MAX: variants seen among roughly 807,000 people sequenced by gnomAD.
MAX encodes protein max.
MAX carries 3 observed loss-of-function variants against 22.3 expected under a neutral mutation model. The observed-to-expected ratio is 0.13, with a 90% confidence interval of 0.06 to 0.35. The LOEUF (loss-of-function observed/expected upper bound fraction) is 0.35, where lower values mean the gene tolerates loss of function less well. Ranked by LOEUF, MAX falls within the 10% of genes least tolerant of loss-of-function variation. The pLI is 1.00. For synonymous variants in MAX, 72 were observed against 77.7 expected, an observed-to-expected ratio of 0.93 and a Z score of 0.39; for missense variants, 119 against 209.4, an observed-to-expected ratio of 0.57 and a Z score of 2.66.
At position 65,027,585 on chromosome 14, in the gene MAX, T is replaced by C. The variant is rs1415931880; in HGVS notation, c.172-21301A>G. On this transcript the variant is annotated intron_variant, in intron 3 of 3. Transcript: ENST00000341653. The surrounding 1 kb of genome is among the most constrained non-coding windows in gnomAD (Gnocchi z 5.7). ...GCATCATTGGCACCGAGGAGGCCTA[T>C]GACATCATTAACAGGTACAGTGAAA... 3 of 1,614,214 alleles carry C rather than the reference T, an allele frequency of 1.9e-6. No individual in the cohort carries two copies. The highest frequency in any genetic ancestry group is 2.5e-6 in the Non-Finnish European group (3 of 1,180,028).
Position 65,082,823 on chromosome 14 carries a change from A to T in MAX, c.172-4787T>A, listed in dbSNP as rs1187496393. Among the ~76,000 whole-genome samples the T allele has an allele frequency of 6.6e-6, 1 of 152,158 alleles. No homozygotes were observed. The highest frequency in any genetic ancestry group is 2.4e-5 in the African/African-American group (1 of 41,420). On this transcript the variant is annotated intron_variant, in intron 3 of 4. Transcript: ENST00000358664. This position sits in a 1 kb window ranked among gnomAD's most constrained non-coding sequence, Gnocchi z 4.8. ...AATAGCAGGATAGCAGCATTGAAGGAAGGTTATTTTTCTTTCTATTTTAAA... is the reference window on the plus strand; with the variant it reads ...AATAGCAGGATAGCAGCATTGAAGGTAGGTTATTTTTCTTTCTATTTTAAA...
At position 65,024,103 on chromosome 14, in the gene MAX, TA is replaced by T. The variant is rs557949276; in HGVS notation, c.172-17820del. ...GGCGACAGAGGGACACTCCATCTCCTAAAAAAAAAAAAAAAGAGGACTCTCA... is the reference window on the plus strand; with the variant it reads ...GGCGACAGAGGGACACTCCATCTCCTAAAAAAAAAAAAAAGAGGACTCTCA... On this transcript the variant is annotated intron_variant, in intron 3 of 3. Coordinates refer to the MAX transcript ENST00000341653. 5.1e-3 allele frequency among the ~76,000 whole-genome samples: 655 copies of T among 129,496 alleles called. 1 individual carries two copies. The highest frequency in any genetic ancestry group is 0.02 in the South Asian group (78 of 3,970). 85.0% of individuals were successfully genotyped at this position (129,496 alleles called of 152,430 possible).
Position 65,076,908 on chromosome 14 carries a change from G to A in MAX, c.296-245C>T. The A allele has an allele frequency of 1.6e-6, 1 of 606,502 alleles. No individual in the cohort carries two copies. The highest frequency in any genetic ancestry group is 2.9e-5 in the East Asian group (1 of 35,068). The allele number at this position is 606,502 out of a possible 1,614,324, so 37.6% of individuals were successfully genotyped here. On this transcript the variant is annotated intron_variant, in intron 4 of 4. Transcript: ENST00000358664. The surrounding 1 kb of genome is among the most constrained non-coding windows in gnomAD (Gnocchi z 6.6). ...AATCCCACCCAACTCTGAAGAGAAG[G>A]CTTGTGATGTCACCGTCCTGCCGTG...
In MAX at chr14:65,093,984, A is replaced by C. The variant is rs184803066; in HGVS notation, c.64-169T>G. On this transcript the variant is annotated intron_variant, in intron 2 of 4. Transcript: ENST00000358664. This position sits in a 1 kb window ranked among gnomAD's most constrained non-coding sequence, Gnocchi z 4.4. Reference sequence around the variant, plus strand: ...GGAGTCTCCAGAATTAGGCTCTGCTAAAGGGGGAGAAAGGGGTGAGCAACG... The same window carrying C: ...GGAGTCTCCAGAATTAGGCTCTGCTCAAGGGGGAGAAAGGGGTGAGCAACG... 1.5e-6 allele frequency: 1 copy of C among 666,978 alleles called. No individual in the cohort carries two copies. The highest frequency in any genetic ancestry group is 2.8e-6 in the Non-Finnish European group (1 of 362,726). The allele number at this position is 666,978 out of a possible 1,614,324, so 41.3% of individuals were successfully genotyped here.
chr14:65,057,776 T>TA lies in MAX; in HGVS notation c.171+35931dup, dbSNP rs377112376. On this transcript the variant is annotated intron_variant, in intron 3 of 3. Transcript: ENST00000341653. ...TAATGTTATCTTTTTTCCATATGGA[T>TA]AACCAATTGACCAGCACCATTTACT... Among the ~76,000 whole-genome samples the TA allele has an allele frequency of 6.2e-3, 940 of 152,344 alleles. 11 individuals are homozygous for TA. Among genetic ancestry groups the TA allele is most frequent in the African/African-American group, 0.021 (889 of 41,580 alleles).
At chr14:65,052,221 T>C (rs2062632476) in intron 3 of MAX, among the ~76,000 whole-genome samples, 1 of 152,200 alleles carries the variant, frequency 6.6e-6, no homozygotes, top group Non-Finnish European at 1.5e-5. Flanking sequence ...GCTATGCAGA[T>C]TATGTAATAG....
At chr14:65,072,732 A>G (rs1216970727), downstream of MAX, among the ~76,000 whole-genome samples, 1 of 152,226 alleles carries the variant, frequency 6.6e-6, no homozygotes, top group Non-Finnish European at 1.5e-5. Flanking sequence ...CTGGGCCTCC[A>G]AAAGTGTCCA....
Position 65,079,591 on chromosome 14 carries a change from T to C in MAX, c.172-1555A>G, listed in dbSNP as rs2139767908. Reference sequence around the variant, plus strand: ...GTATGGCCTTCCAGCCAGAGACTCCTGAGCAGCCGGAAAGCTTCTTACTCA... The same window carrying C: ...GTATGGCCTTCCAGCCAGAGACTCCCGAGCAGCCGGAAAGCTTCTTACTCA... On this transcript the variant is annotated intron_variant, in intron 3 of 4. Coordinates refer to ENST00000358664, the MANE Select transcript of MAX (RefSeq NM_002382.5). The surrounding 1 kb of genome is among the most constrained non-coding windows in gnomAD (Gnocchi z 4.5). Among the ~76,000 whole-genome samples, 1 of 152,332 alleles carries C rather than the reference T, an allele frequency of 6.6e-6. No homozygotes were observed. The highest frequency in any genetic ancestry group is 2.1e-4 in the South Asian group (1 of 4,826).
At position 65,012,273 on chromosome 14, in the gene MAX, G is replaced by T. The variant is rs992307741; in HGVS notation, c.172-5989C>A. ...GTGCACATACGTGTGTATGGTGGAA[G>T]CATAAGCTATTAGAATGGGCTTATA... On this transcript the variant is annotated intron_variant, in intron 3 of 3. Coordinates refer to the MAX transcript ENST00000341653. The surrounding 1 kb of genome is among the most constrained non-coding windows in gnomAD (Gnocchi z 5.0). The T allele has an allele frequency of 1.2e-6, 2 of 1,610,604 alleles. No homozygotes were observed. The highest frequency in any genetic ancestry group is 1.3e-5 in the African/African-American group (1 of 74,862).
Position 65,076,358 on chromosome 14 carries a change from G to C in MAX, c.*118C>G, listed in dbSNP as rs997670059. 2.6e-6 allele frequency: 4 copies of C among 1,556,008 alleles called. No individual in the cohort carries two copies. The highest frequency in any genetic ancestry group is 2.4e-5 in the South Asian group (2 of 82,366). On this transcript the variant is annotated 3_prime_UTR_variant, in exon 5 of 5. Coordinates refer to ENST00000358664, the MANE Select transcript of MAX (RefSeq NM_002382.5). The surrounding 1 kb of genome is among the most constrained non-coding windows in gnomAD (Gnocchi z 6.6). ...TAAAAATAAAAATTTAAAAAAAAAA[G>C]GGAGAAAGAGAAAAATAAAGAGTCT...
At position 65,078,491 on chromosome 14, in the gene MAX, G is replaced by A. The variant is rs549119330; in HGVS notation, c.172-455C>T. Among the ~76,000 whole-genome samples, 1 of 151,250 alleles carries A rather than the reference G, an allele frequency of 6.6e-6. No homozygotes were observed. Among genetic ancestry groups the A allele is most frequent in the South Asian group, 2.1e-4 (1 of 4,772 alleles). ...AATGCTGGGATTATAGGTCACAGGT[G>A]TGAGCCACTGCGCCCAGCCTGTTGT... On this transcript the variant is annotated intron_variant, in intron 3 of 4. Transcript: ENST00000358664. This position sits in a 1 kb window ranked among gnomAD's most constrained non-coding sequence, Gnocchi z 6.4.
intron 3 of MAX, among the ~76,000 whole-genome samples, chr14:65,065,247 T>C (rs1053447708): frequency 1.3e-5 from 2 of 152,184 alleles, no homozygotes; most frequent in Admixed American, 6.5e-5. Context: ...AGCACACACA[T>C]ATGCTCTGAG....
At chr14:65,068,259 AC>A (rs2139715833) in intron 3 of MAX, among the ~76,000 whole-genome samples, 1 of 152,060 alleles carries the variant, frequency 6.6e-6, no homozygotes, top group South Asian at 2.1e-4. Context: ...ACATGATGAA[AC>A]CCCATAGCAA....
intron 3 of MAX, among the ~76,000 whole-genome samples, chr14:65,083,341 G>T (rs1363546961): frequency 6.6e-6 from 1 of 152,240 alleles, no homozygotes; most frequent in Non-Finnish European, 1.5e-5. Context: ...GACTCCTGAA[G>T]TTGTTAGCAC....
rs149659668 is a variant in MAX at position 65,041,348 on chromosome 14, G to A, written c.172-35064C>T. Among the ~76,000 whole-genome samples, 288 of 152,306 alleles carry A rather than the reference G, an allele frequency of 1.9e-3. 1 individual carries two copies. The highest frequency in any genetic ancestry group is 3.4e-3 in the Middle Eastern group (1 of 294). On this transcript the variant is annotated intron_variant, in intron 3 of 3. Coordinates refer to the MAX transcript ENST00000341653. ...TACATTTAAATGAGTTGTTTAGGCAGAGCTGGCTAATTGCATTGAGAAGGC... is the reference window on the plus strand; with the variant it reads ...TACATTTAAATGAGTTGTTTAGGCAAAGCTGGCTAATTGCATTGAGAAGGC...
In MAX at chr14:65,011,872, G is replaced by C. The variant is rs2061688660; in HGVS notation, c.172-5588C>G. ...GGAGTAAATTATGGGCCTTGGAGAA[G>C]TCATCCCAGACGGGGTGACTGAAAT... On this transcript the variant is annotated intron_variant, in intron 3 of 3. Coordinates refer to the MAX transcript ENST00000341653. The surrounding 1 kb of genome is among the most constrained non-coding windows in gnomAD (Gnocchi z 4.0). 6.6e-6 allele frequency among the ~76,000 whole-genome samples: 1 copy of C among 152,170 alleles called. No homozygotes were observed. The highest frequency in any genetic ancestry group is 2.1e-4 in the South Asian group (1 of 4,826).
chr14:65,077,745 T>TC lies in MAX; in HGVS notation c.295+167dup. On this transcript the variant is annotated intron_variant, in intron 4 of 4. Coordinates refer to ENST00000358664, the MANE Select transcript of MAX (RefSeq NM_002382.5). The surrounding 1 kb of genome is among the most constrained non-coding windows in gnomAD (Gnocchi z 6.3). ...TCTCCTCACTGGCGCCTCAGGTCCT[T>TC]CCTCAGGACGGCTCTAACACTCAGT... 1 of 1,609,112 alleles carries TC rather than the reference T, an allele frequency of 6.2e-7. No homozygotes were observed. Among genetic ancestry groups the TC allele is most frequent in the Non-Finnish European group, 8.5e-7 (1 of 1,178,366 alleles).
intron 2 of MAX, among the ~76,000 whole-genome samples, chr14:65,100,170 G>A (rs903752096): frequency 2.0e-5 from 3 of 152,110 alleles, no homozygotes; most frequent in Non-Finnish European, 4.4e-5. Context: ...TAGGAAGATC[G>A]GCTGGGCGTG....
intron 3 of MAX, among the ~76,000 whole-genome samples, chr14:65,080,799 T>A (rs192289823): frequency 6.6e-6 from 1 of 152,356 alleles, no homozygotes; most frequent in Admixed American, 6.5e-5. Context: ...AAATGCACAA[T>A]CTCTGAAACC....
Sources: gnomAD v4.1 joint callset for allele counts (sites outside exome capture counted in the v4.1 genomes callset) on GRCh38, gnomAD v4.1.1 for gene constraint, Gnocchi (gnomAD v3.1) non-coding constraint, MANE v1.5 for transcripts, NCBI Gene and HGNC (gene_info 2026-07-23, HGNC 2026-07-21) for gene names.